VSTM4: variants seen among roughly 807,000 people sequenced by gnomAD.
The protein encoded by VSTM4 is V-set and transmembrane domain-containing protein 4.
VSTM4 carries 20 observed loss-of-function variants against 36.4 expected under a neutral mutation model. The ratio of observed to expected loss-of-function variants is 0.55; its 90% CI spans 0.39 to 0.80. The LOEUF (loss-of-function observed/expected upper bound fraction) is 0.80, where lower values mean the gene tolerates loss of function less well. Among genes scored for constraint, VSTM4 ranks in the 30% least tolerant of loss-of-function variants. The pLI is 0.00. For synonymous variants in VSTM4, 182 were observed against 173.9 expected (o/e 1.05, Z -0.37); for missense variants, 392 against 404.5 (o/e 0.97, Z 0.26).
intron 4 of VSTM4, among the ~76,000 whole-genome samples, chr10:49,066,007 C>T (rs1324502450): frequency 6.6e-6 from 1 of 151,926 alleles, no homozygotes; most frequent in African/African-American, 2.4e-5. Flanking sequence ...TCATGTGTCC[C>T]TGGCACTATT....
intron 7 of VSTM4, among the ~76,000 whole-genome samples, chr10:49,026,545 C>G (rs979928455): frequency 1.2e-4 from 19 of 152,218 alleles, no homozygotes; most frequent in African/African-American, 4.1e-4. Context: ...GGAAGTCACA[C>G]TCCCAGGGCT....
intron 5 of VSTM4, among the ~76,000 whole-genome samples, chr10:49,054,448 G>T (rs904876693): frequency 6.6e-6 from 1 of 152,228 alleles, no homozygotes; most frequent in African/African-American, 2.4e-5. Context: ...TGAGGGTGTG[G>T]CTGGTGCCTA....
chr10:49,048,599 G>T lies in VSTM4; in HGVS notation c.669-15C>A. On this transcript the variant is annotated splice_polypyrimidine_tract_variant and intron_variant, in intron 5 of 7. Transcript: ENST00000332853. ...TCTCCCCTGAGCTGTAGAAGAAAAA[G>T]TTTCCAGTGAAACCAAAGGCAGATT... 1 of 1,566,998 alleles carries T rather than the reference G, an allele frequency of 6.4e-7. No individual in the cohort carries two copies. Among genetic ancestry groups the T allele is most frequent in the Non-Finnish European group, 8.6e-7 (1 of 1,164,512 alleles).
chr10:49,017,835 T>A lies in VSTM4; in HGVS notation c.*1815A>T, dbSNP rs1168209327. 6.6e-6 allele frequency: 1 copy of A among 152,210 alleles called. No homozygotes were observed. The highest frequency in any genetic ancestry group is 2.4e-5 in the African/African-American group (1 of 41,444). 9.4% of individuals were successfully genotyped at this position (152,210 alleles called of 1,614,324 possible). A position where few individuals can be genotyped will look rare whatever the true frequency, so the allele number is the denominator to read the frequency against. On this transcript the variant is annotated 3_prime_UTR_variant, in exon 8 of 8. Coordinates refer to ENST00000332853, the MANE Select transcript of VSTM4 (RefSeq NM_001031746.5). ...TGTCAGAACACTGCCATGATAAAATTAAAAATCCCTGTGATAATTATTATA... is the reference window on the plus strand; with the variant it reads ...TGTCAGAACACTGCCATGATAAAATAAAAAATCCCTGTGATAATTATTATA...
chr10:49,019,923 T>C (rs1175473303), intron 7 of VSTM4, 148 bp from the exon 8 acceptor site: 13 of 1,008,750 alleles, frequency 1.3e-5, no homozygotes, highest in Non-Finnish European at 1.8e-5. Context: ...CTACATAATA[T>C]CCAATAACAT....
At chr10:49,078,244 G>C (rs954532755) in intron 3 of VSTM4, among the ~76,000 whole-genome samples, 1 of 152,188 alleles carries the variant, frequency 6.6e-6, no homozygotes, top group Non-Finnish European at 1.5e-5. Context: ...CTCTAGAATA[G>C]AGCTTTACAG....
At chr10:49,021,824 G>A (rs546604826) in intron 7 of VSTM4, among the ~76,000 whole-genome samples, 15 of 152,136 alleles carry the variant, frequency 9.9e-5, no homozygotes, top group Non-Finnish European at 1.8e-4. Flanking sequence ...TTCGTATAAC[G>A]CAATATACGG....
At chr10:49,068,451 G>C (rs1396972691) in intron 4 of VSTM4, among the ~76,000 whole-genome samples, 4 of 152,084 alleles carry the variant, frequency 2.6e-5, no homozygotes, top group African/African-American at 9.7e-5. Context: ...ACAGTGCCAG[G>C]GTACAGGAGA....
chr10:49,102,661 A>T, intron 2 of VSTM4: 1 of 985,358 alleles, frequency 1.0e-6, no homozygotes, highest in African/African-American at 1.7e-5. Flanking sequence ...AGGTCAAGGG[A>T]AAGAGAGGTA....
chr10:49,074,608 G>T (rs1844140776), intron 4 of VSTM4, among the ~76,000 whole-genome samples: 1 of 152,208 alleles, frequency 6.6e-6, no homozygotes, highest in African/African-American at 2.4e-5. Flanking sequence ...TGGCCCCACA[G>T]TGAGTTGAAA....
At chr10:49,041,840 T>C (rs962651777) in intron 7 of VSTM4, among the ~76,000 whole-genome samples, 1 of 152,178 alleles carries the variant, frequency 6.6e-6, no homozygotes, top group South Asian at 2.1e-4. Context: ...TTAAATACGA[T>C]GACATGCCAA....
At chr10:49,072,207 A>G (rs1352155760) in intron 4 of VSTM4, among the ~76,000 whole-genome samples, 1 of 152,138 alleles carries the variant, frequency 6.6e-6, no homozygotes, top group African/African-American at 2.4e-5. Context: ...GCAGCCTGAC[A>G]TGGGGGGATG....
chr10:49,027,953 G>A (rs1843288573), intron 7 of VSTM4, among the ~76,000 whole-genome samples: 1 of 152,178 alleles, frequency 6.6e-6, no homozygotes, highest in Admixed American at 6.5e-5. Context: ...CCAGGAGTGG[G>A]TTTGCTAGGC....
At chr10:49,102,204 C>G (rs1358315334) in intron 2 of VSTM4, 1 of 140,796 alleles carries the variant, frequency 7.1e-6, no homozygotes, top group Non-Finnish European at 1.4e-5. Context: ...GTGGCGGGAT[C>G]TTGGCTCACT....
intron 7 of VSTM4, among the ~76,000 whole-genome samples, chr10:49,024,035 G>A (rs1299295791): frequency 6.6e-6 from 1 of 152,156 alleles, no homozygotes; most frequent in Non-Finnish European, 1.5e-5. Flanking sequence ...GGAAGTCCTG[G>A]CAGAATCCTT....
At chr10:49,033,242 G>A (rs1843374199) in intron 7 of VSTM4, among the ~76,000 whole-genome samples, 3 of 152,184 alleles carry the variant, frequency 2.0e-5, no homozygotes. Context: ...TACTGATGTA[G>A]AAAGATGTGC....
intron 7 of VSTM4, among the ~76,000 whole-genome samples, chr10:49,037,179 C>A (rs1027197676): frequency 6.6e-6 from 1 of 152,228 alleles, no homozygotes; most frequent in Non-Finnish European, 1.5e-5. Context: ...AGGGGGCTGA[C>A]CTGTCTTACT....
chr10:49,071,535 G>T (rs1357812132), intron 4 of VSTM4, among the ~76,000 whole-genome samples: 1 of 152,252 alleles, frequency 6.6e-6, no homozygotes, highest in Non-Finnish European at 1.5e-5. Flanking sequence ...CTCACTGAAT[G>T]TTGAGCGCCC....
At chr10:49,026,182 G>A (rs1843258489) in intron 7 of VSTM4, among the ~76,000 whole-genome samples, 1 of 152,200 alleles carries the variant, frequency 6.6e-6, no homozygotes, top group Non-Finnish European at 1.5e-5. Context: ...AGGCCAACCT[G>A]CTCAAGATGG....
Sources: gnomAD v4.1 joint callset for allele counts (sites outside exome capture counted in the v4.1 genomes callset) on GRCh38, gnomAD v4.1.1 for gene constraint, MANE v1.5 for transcripts, NCBI Gene and HGNC (gene_info 2026-07-23, HGNC 2026-07-21) for gene names.